Variants in IFT43 observed in about 807,000 individuals in gnomAD.
IFT43 encodes the protein intraflagellar transport 43.
In IFT43, 33 loss-of-function variants were observed where a neutral mutation model predicts 32.3. The ratio of observed to expected loss-of-function variants is 1.02; its 90% CI spans 0.77 to 1.37. The LOEUF is 1.37. Ranked by LOEUF, IFT43 falls within the 40% of genes most tolerant of loss-of-function variation. IFT43 has a pLI of 0.00. For missense variants in IFT43, 274 were observed against 265.9 expected, an observed-to-expected ratio of 1.03 and a Z score of -0.21; for synonymous variants, 93 against 98.2, an observed-to-expected ratio of 0.95 and a Z score of 0.31.
intron 2 of IFT43, among the ~76,000 whole-genome samples, chr14:76,012,138 C>T (rs1257952055): frequency 1.3e-5 from 2 of 152,180 alleles, no homozygotes; most frequent in African/African-American, 4.8e-5. Flanking sequence ...TGTATTTGGA[C>T]TGGCTTTTTG....
At chr14:75,994,103 C>CTTT (rs746640100) in intron 2 of IFT43, among the ~76,000 whole-genome samples, 19 of 144,006 alleles carry the variant, frequency 1.3e-4, no homozygotes, top group African/African-American at 4.6e-4. Context: ...ATAGAAAGCC[C>CTTT]TTTTTTTTTT....
At chr14:76,070,715 G>A (rs1437496746) in intron 5 of IFT43, among the ~76,000 whole-genome samples, 1 of 152,088 alleles carries the variant, frequency 6.6e-6, no homozygotes, top group Non-Finnish European at 1.5e-5. Context: ...CATCCCCTTG[G>A]CGCTGTCCTC....
intron 5 of IFT43, among the ~76,000 whole-genome samples, chr14:76,073,319 T>C (rs2037353844): frequency 6.6e-6 from 1 of 152,140 alleles, no homozygotes; most frequent in Admixed American, 6.5e-5. Context: ...GGGACAGGCA[T>C]GTTTGTGCAT....
chr14:76,067,887 TAATTTTTAAAA>T (rs758073271), intron 5 of IFT43, among the ~76,000 whole-genome samples: 5 of 152,124 alleles, frequency 3.3e-5, no homozygotes, highest in African/African-American at 4.8e-5. Flanking sequence ...ATGACAGAAA[TAATTTTTAAAA>T]ACACTTTATA....
chr14:75,992,751 G>A (rs943240735), intron 2 of IFT43, among the ~76,000 whole-genome samples: 5 of 152,104 alleles, frequency 3.3e-5, no homozygotes, highest in Non-Finnish European at 5.9e-5. Context: ...ATGTTGCCCA[G>A]GCTGGTCTCA....
At chr14:76,014,896 C>T (rs1204937673) in intron 2 of IFT43, among the ~76,000 whole-genome samples, 1 of 152,200 alleles carries the variant, frequency 6.6e-6, no homozygotes, top group Non-Finnish European at 1.5e-5. Flanking sequence ...GTGTCTCCAT[C>T]ACTGACGCCT....
intron 3 of IFT43, among the ~76,000 whole-genome samples, chr14:76,029,899 T>TTATTTTATTTTATTTTATTTTA (rs2036476457): frequency 6.7e-6 from 1 of 148,394 alleles, no homozygotes. Flanking sequence ...TTATTTTATT[T>TTATTTTATTTTATTTTATTTTA]GAGACAGGAT....
At chr14:76,049,969 C>T (rs1427360272) in intron 3 of IFT43, among the ~76,000 whole-genome samples, 1 of 152,174 alleles carries the variant, frequency 6.6e-6, no homozygotes, top group East Asian at 1.9e-4. Flanking sequence ...CCCACTCAGC[C>T]CTGACGCCAT....
rs372921991 is a variant in IFT43 at position 76,083,216 on chromosome 14, T to C, written c.445-11T>C. ...GTGCTCAGCCTGACCTTTTTTTGTT[T>C]GCATTCACAGGATGGGGAGATCGAC... On this transcript the variant is annotated splice_polypyrimidine_tract_variant and intron_variant, in intron 7 of 8. Coordinates refer to ENST00000314067, the MANE Select transcript of IFT43 (RefSeq NM_001102564.3). 1.2e-6 allele frequency: 2 copies of C among 1,614,052 alleles called. No individual in the cohort carries two copies. Among genetic ancestry groups the C allele is most frequent in the African/African-American group, 2.7e-5 (2 of 74,922 alleles).
rs552476106 is a variant in IFT43, at chr14:76,076,826, C to G, written c.296-5469C>G. On this transcript the variant is annotated intron_variant, in intron 5 of 8. Coordinates refer to ENST00000314067, the MANE Select transcript of IFT43 (RefSeq NM_001102564.3). ...TATTTCAGGCCAAATGGCAGTTGCC[C>G]TCACATCCAACAGCTCACATCTTTG... The G allele has an allele frequency of 1.0e-4, 98 of 971,048 alleles. 1 individual carries two copies. The South Asian group carries it at 1.3e-3, about 13-fold the overall frequency. 60.2% of individuals were successfully genotyped at this position (971,048 alleles called of 1,614,324 possible). A position where few individuals can be genotyped will look rare whatever the true frequency, so the allele number is the denominator to read the frequency against.
chr14:76,072,715 C>A (rs1009419876), intron 5 of IFT43, among the ~76,000 whole-genome samples: 2 of 152,186 alleles, frequency 1.3e-5, no homozygotes, highest in African/African-American at 4.8e-5. Context: ...AGCAAATCAT[C>A]CAGCATTCAG....
chr14:75,988,666 C>G (rs559474460), intron 1 of IFT43, among the ~76,000 whole-genome samples: 85 of 152,276 alleles, frequency 5.6e-4, no homozygotes, highest in African/African-American at 2.0e-3. Flanking sequence ...CTACAGGCGC[C>G]CGCCACAACG....
chr14:76,053,852 T>C (rs1223158178), intron 3 of IFT43, among the ~76,000 whole-genome samples: 1 of 152,194 alleles, frequency 6.6e-6, no homozygotes, highest in East Asian at 1.9e-4. Context: ...GGGCCTGGTG[T>C]GGTGGAGAAC....
In IFT43 at chr14:75,995,154, G is replaced by C. The variant is rs115950216; in HGVS notation, c.147+6177G>C. On this transcript the variant is annotated intron_variant, in intron 2 of 8. Transcript: ENST00000314067. ...TCTTATCATCATGTTGTACATGTGA[G>C]GACATGGAGACTTTAAGAGTCTGGG... Among the ~76,000 whole-genome samples the C allele has an allele frequency of 6.1e-3, 933 of 152,284 alleles. 13 individuals are homozygous for C. The highest frequency in any genetic ancestry group is 0.021 in the African/African-American group (882 of 41,542).
At chr14:76,083,140 A>T in intron 7 of IFT43, 87 bp from the exon 8 acceptor site, 1 of 1,479,524 alleles carries the variant, frequency 6.8e-7, no homozygotes, top group East Asian at 2.3e-5. Context: ...GTTCTGACAC[A>T]CAAAAACTGA....
intron 1 of IFT43, 150 bp downstream of exon 1, chr14:75,985,990 C>T: frequency 6.5e-7 from 1 of 1,526,768 alleles, no homozygotes; most frequent in Non-Finnish European, 8.8e-7. Context: ...CACCGCCCCG[C>T]CCCCAGGCCA....
intron 1 of IFT43, 153 bp from the exon 2 acceptor site, chr14:75,988,732 A>G (rs1034791493): frequency 2.1e-6 from 1 of 478,228 alleles, no homozygotes; most frequent in Non-Finnish European, 2.7e-6. Context: ...GTTAGCCAGG[A>G]TGGTCTGGAT....
intron 2 of IFT43, among the ~76,000 whole-genome samples, chr14:75,989,328 C>A (rs778742431): frequency 1.3e-5 from 2 of 152,012 alleles, no homozygotes; most frequent in Non-Finnish European, 2.9e-5. Flanking sequence ...GGTTGGATTA[C>A]ACAATTGGAC....
At chr14:76,042,206 A>G (rs1438896889) in intron 3 of IFT43, among the ~76,000 whole-genome samples, 1 of 151,644 alleles carries the variant, frequency 6.6e-6, no homozygotes, top group Non-Finnish European at 1.5e-5. Flanking sequence ...AAACAACCCT[A>G]TGAAGTAGGT....
Sources: gnomAD v4.1 joint callset for allele counts (sites outside exome capture counted in the v4.1 genomes callset) on GRCh38, gnomAD v4.1.1 for gene constraint, MANE v1.5 for transcripts, NCBI Gene and HGNC (gene_info 2026-07-23, HGNC 2026-07-21) for gene names.